The following SH3TC2 variants were observed in gnomAD, a reference collection of about 807,000 sequenced individuals.
The protein encoded by SH3TC2 is SH3 domain and tetratricopeptide repeat-containing protein 2.
A neutral mutation model predicts 124.5 loss-of-function variants in SH3TC2; 87 were observed. The observed-to-expected ratio is 0.70, with a 90% CI of 0.59 to 0.84. The LOEUF is 0.84. Ranked by LOEUF, SH3TC2 falls within the 40% of genes least tolerant of loss-of-function variation. The pLI is 0.00. For synonymous variants in SH3TC2, 634 were observed against 628.5 expected, an observed-to-expected ratio of 1.01 and a Z score of -0.13; for missense variants, 1,536 against 1,566.4, an observed-to-expected ratio of 0.98 and a Z score of 0.33.
intron 1 of SH3TC2, among the ~76,000 whole-genome samples, chr5:149,054,187 A>C (rs1561774134): frequency 6.6e-6 from 1 of 152,218 alleles, no homozygotes; most frequent in African/African-American, 2.4e-5. Flanking sequence ...GTACCCACAA[A>C]AATTAAAAAT....
chr5:149,015,579 T>A (rs1753857483), intron 12 of SH3TC2, among the ~76,000 whole-genome samples: 1 of 152,226 alleles, frequency 6.6e-6, no homozygotes, highest in Non-Finnish European at 1.5e-5. Flanking sequence ...ATCTTGACTC[T>A]TCTCTTTCTC....
chr5:149,034,157 C>T (rs143490359), intron 8 of SH3TC2, among the ~76,000 whole-genome samples: 1 of 151,770 alleles, frequency 6.6e-6, no homozygotes, highest in Non-Finnish European at 1.5e-5. Flanking sequence ...GAAGAAACAG[C>T]CATATATGAA....
intron 2 of SH3TC2, among the ~76,000 whole-genome samples, chr5:149,050,789 T>C (rs1754542836): frequency 6.6e-6 from 1 of 152,252 alleles, no homozygotes; most frequent in Non-Finnish European, 1.5e-5. Context: ...AATATCTATT[T>C]ACGTAGTCTA....
intron 8 of SH3TC2, among the ~76,000 whole-genome samples, chr5:149,036,569 C>T (rs930791534): frequency 8.5e-5 from 13 of 152,158 alleles, no homozygotes; most frequent in Non-Finnish European, 1.6e-4. Flanking sequence ...GATTTAAAAT[C>T]ACCAGGACAT....
intron 1 of SH3TC2, among the ~76,000 whole-genome samples, chr5:149,056,998 C>G (rs1476711878): frequency 6.6e-6 from 1 of 152,094 alleles, no homozygotes; most frequent in Non-Finnish European, 1.5e-5. Context: ...CTTTTTGATA[C>G]TTTCATCTAC....
At position 149,003,638 on chromosome 5, in the gene SH3TC2, C is replaced by A; in HGVS notation, c.*1073G>T. ...TAAGTGTTTTAGGCCACTCAGTGTG[C>A]TATGCAGTGATGTTATTAATAGAGA... On this transcript the variant is annotated 3_prime_UTR_variant, in exon 17 of 17. Transcript: ENST00000515425. 1 of 294,632 alleles carries A rather than the reference C, an allele frequency of 3.4e-6. No homozygotes were observed. Among genetic ancestry groups the A allele is most frequent in the South Asian group, 2.9e-5 (1 of 34,870 alleles). 18.3% of individuals were successfully genotyped at this position (294,632 alleles called of 1,614,324 possible).
In SH3TC2 at chr5:149,044,548, T is replaced by C. The variant is rs1319847393; in HGVS notation, c.370A>G (p.Thr124Ala). The C allele has an allele frequency of 6.2e-7, 1 of 1,613,840 alleles. No homozygotes were observed. Among genetic ancestry groups the C allele is most frequent in the Non-Finnish European group, 8.5e-7 (1 of 1,179,818 alleles). ...TGTACCATACCTAAATTAAGGTAGG[T>C]GGAGAACTTCCAGATTTCCTCCATG... Reference protein sequence around the residue: ...KTMEEIWKFSTYLNLGYVSMC... With the variant: ...KTMEEIWKFSAYLNLGYVSMC... Residue 124 changes from threonine to alanine, a missense_variant, in exon 4 of 17, where the codon ACC (threonine) becomes GCC (alanine). Around this residue, in one of 3 missense-constraint regions of SH3TC2, gnomAD observed 1,102 missense variants for 1,098.6 expected, o/e 1.00. Coordinates refer to ENST00000515425, the MANE Select transcript of SH3TC2 (RefSeq NM_024577.4).
chr5:149,002,143 G>A lies in SH3TC2; in HGVS notation c.*2568C>T, dbSNP rs1340785168. The A allele has an allele frequency of 6.5e-6, 1 of 152,724 alleles. No homozygotes were observed. The highest frequency in any genetic ancestry group is 2.4e-5 in the African/African-American group (1 of 41,442). The allele number at this position is 152,724 out of a possible 1,614,324, so 9.5% of individuals were successfully genotyped here. ...CAGAAACAAATCTGGCCAGAGGAGA[G>A]TGAGTGGTCAGTGGGAAAAGGGAGG... On this transcript the variant is annotated 3_prime_UTR_variant, in exon 17 of 17. Coordinates refer to ENST00000515425, the MANE Select transcript of SH3TC2 (RefSeq NM_024577.4).
In SH3TC2 at chr5:148,987,576, T is replaced by C. The variant is rs1753352824; in HGVS notation, c.*17135A>G. Among the ~76,000 whole-genome samples, 1 of 152,176 alleles carries C rather than the reference T, an allele frequency of 6.6e-6. No homozygotes were observed. Among genetic ancestry groups the C allele is most frequent in the South Asian group, 2.1e-4 (1 of 4,832 alleles). On this transcript the variant is annotated 3_prime_UTR_variant, in exon 17 of 17. Coordinates refer to ENST00000515425, the MANE Select transcript of SH3TC2 (RefSeq NM_024577.4). ...TAAGACTTCCACATATTTGGCTGGGTTTCTCACCTATAGCATTTTCAAAGA... is the reference window on the plus strand; with the variant it reads ...TAAGACTTCCACATATTTGGCTGGGCTTCTCACCTATAGCATTTTCAAAGA...
At chr5:149,044,675 A>C in intron 3 of SH3TC2, 37 bp from the exon 4 acceptor site, 1 of 1,507,736 alleles carries the variant, frequency 6.6e-7, no homozygotes, top group Non-Finnish European at 9.2e-7. Flanking sequence ...CTGGGATGAC[A>C]GAAGTGTCCC....
intron 12 of SH3TC2, among the ~76,000 whole-genome samples, chr5:149,024,971 A>G (rs1246390516): frequency 6.6e-6 from 1 of 152,240 alleles, no homozygotes; most frequent in African/African-American, 2.4e-5. Flanking sequence ...GAGCTTGCCC[A>G]GTAGCCAGAG....
chr5:149,011,979 C>T (rs980970852), intron 13 of SH3TC2, among the ~76,000 whole-genome samples: 7 of 152,090 alleles, frequency 4.6e-5, no homozygotes. Context: ...TTTTACTAAT[C>T]CTTATGCTAA....
At chr5:149,005,278 G>A (rs1255936062) in intron 16 of SH3TC2, among the ~76,000 whole-genome samples, 2 of 152,184 alleles carry the variant, frequency 1.3e-5, no homozygotes, top group Non-Finnish European at 2.9e-5. Context: ...TCCCTCTGAA[G>A]TGGCAGGTTC....
chr5:149,016,940 A>AC (rs1031221346), intron 12 of SH3TC2, among the ~76,000 whole-genome samples: 6 of 151,936 alleles, frequency 3.9e-5, no homozygotes, highest in African/African-American at 1.4e-4. Context: ...AAAAAAAAAA[A>AC]AAAGAATAAA....
chr5:149,041,039 C>T (rs1754360230), intron 6 of SH3TC2, among the ~76,000 whole-genome samples: 1 of 152,120 alleles, frequency 6.6e-6, no homozygotes, highest in African/African-American at 2.4e-5. Flanking sequence ...ATTTCTTAAA[C>T]TTTAGTGTGA....
intron 2 of SH3TC2, 42 bp downstream of exon 2, chr5:149,052,100 C>T (rs2127403359): frequency 7.3e-7 from 1 of 1,363,580 alleles, no homozygotes; most frequent in Non-Finnish European, 1.1e-6. Flanking sequence ...TATCGCAATA[C>T]TCAACATGGA....
rs1006766548 is a variant in SH3TC2 at position 148,997,903 on chromosome 5, C to T, written c.*6808G>A. 5.3e-5 allele frequency among the ~76,000 whole-genome samples: 8 copies of T among 152,146 alleles called. No individual in the cohort carries two copies. The highest frequency in any genetic ancestry group is 1.9e-4 in the African/African-American group (8 of 41,434). ...AGACTTAATGCATAAAACACATTAA[C>T]CTCAACTGTTATTTTTATTTTGAGA... is the stretch of plus-strand genomic sequence containing the variant. On this transcript the variant is annotated 3_prime_UTR_variant, in exon 17 of 17. Coordinates refer to ENST00000515425, the MANE Select transcript of SH3TC2 (RefSeq NM_024577.4).
intron 8 of SH3TC2, among the ~76,000 whole-genome samples, chr5:149,036,324 C>T (rs1754282748): frequency 6.6e-6 from 1 of 152,092 alleles, no homozygotes; most frequent in Admixed American, 6.5e-5. Flanking sequence ...CCTTTCTTTC[C>T]TCACTTGGCC....
At chr5:149,060,589 CT>C (rs1754729680) in intron 1 of SH3TC2, among the ~76,000 whole-genome samples, 1 of 152,188 alleles carries the variant, frequency 6.6e-6, no homozygotes, top group African/African-American at 2.4e-5. Context: ...TGAGGACTCA[CT>C]GTTTTGGTGT....
Sources: allele counts gnomAD v4.1 joint callset (sites outside exome capture counted in the v4.1 genomes callset), GRCh38; gene constraint gnomAD v4.1.1; regional missense constraint gnomAD v4.1.1; transcripts MANE v1.5; gene names NCBI Gene and HGNC (gene_info 2026-07-23, HGNC 2026-07-21).